SEC11A: variants seen among roughly 807,000 people sequenced by gnomAD.
The protein encoded by SEC11A is signal peptidase complex catalytic subunit SEC11A.
A neutral mutation model predicts 25.6 loss-of-function variants in SEC11A; 14 were observed. That is an observed-to-expected ratio of 0.55 (90% confidence interval 0.36 to 0.85). SEC11A has a LOEUF of 0.85. Among genes scored for constraint, SEC11A ranks in the 40% least tolerant of loss-of-function variants. The pLI is 0.01. For synonymous variants in SEC11A, 83 were observed against 76.4 expected, an observed-to-expected ratio of 1.09 and a Z score of -0.45; for missense variants, 153 against 222.9, an observed-to-expected ratio of 0.69 and a Z score of 2.00.
Position 84,687,748 on chromosome 15 carries a change from C to T in SEC11A, c.188G>A (p.Arg63Lys), listed in dbSNP as rs1012819841. The stretch of plus-strand genomic sequence containing the variant: ...ATTTGTTAGAAAGAGAAGATCTCCT[C>T]TATGAAATGCAGGTTCCATGCTGCC... ...LSGSMEPAFH[R>K]GDLLFLTNRV... Residue 63 changes from arginine (R) to lysine (K), a missense_variant, in exon 3 of 6, where the codon AGA becomes AAA. Physicochemically the swap from Arg to Lys is conservative, Grantham distance 26 (BLOSUM62 2). Coordinates refer to ENST00000268220, the MANE Select transcript of SEC11A (RefSeq NM_014300.4). 5 of 1,599,078 alleles carry T rather than the reference C, an allele frequency of 3.1e-6. No individual in the cohort carries two copies. Among genetic ancestry groups the T allele is most frequent in the Non-Finnish European group, 4.2e-6 (5 of 1,176,542 alleles).
intron 4 of SEC11A, among the ~76,000 whole-genome samples, chr15:84,677,008 T>C (rs1349575294): frequency 1.3e-5 from 2 of 152,006 alleles, no homozygotes; most frequent in African/African-American, 2.4e-5. Context: ...GGAGGATTGC[T>C]TGGGCCTGGG....
intron 2 of SEC11A, among the ~76,000 whole-genome samples, chr15:84,688,541 G>A (rs1005589969): frequency 1.3e-5 from 2 of 152,324 alleles, no homozygotes; most frequent in East Asian, 3.9e-4. Context: ...TAGCCCATCA[G>A]TCTTTTTCAG....
intron 1 of SEC11A, among the ~76,000 whole-genome samples, chr15:84,704,099 T>C (rs773730582): frequency 6.6e-6 from 1 of 152,174 alleles, no homozygotes; most frequent in Non-Finnish European, 1.5e-5. Context: ...CCAATCCTGA[T>C]GGCACGCTGA....
chr15:84,705,944 T>G (rs956053714), intron 1 of SEC11A, among the ~76,000 whole-genome samples: 1 of 151,890 alleles, frequency 6.6e-6, no homozygotes, highest in Non-Finnish European at 1.5e-5. Flanking sequence ...GGAGTCTTGC[T>G]CTTGTCACCC....
intron 1 of SEC11A, among the ~76,000 whole-genome samples, chr15:84,700,001 C>T (rs1897882532): frequency 6.6e-6 from 1 of 151,918 alleles, no homozygotes; most frequent in Non-Finnish European, 1.5e-5. Flanking sequence ...AAAGGTATTA[C>T]TCACTTGTAG....
At chr15:84,708,205 C>CAAAAAAAA (rs71132699) in intron 1 of SEC11A, among the ~76,000 whole-genome samples, 2 of 35,404 alleles carry the variant, frequency 5.6e-5, no homozygotes, top group Non-Finnish European at 1.0e-4. Flanking sequence ...GGCTCTGTCT[C>CAAAAAAAA]AAAAAAAAAA....
At chr15:84,714,379 A>G in intron 1 of SEC11A, among the ~76,000 whole-genome samples, 1 of 151,988 alleles carries the variant, frequency 6.6e-6, no homozygotes, top group East Asian at 1.9e-4. Flanking sequence ...TACAGCCAAT[A>G]CTCACCATGT....
chr15:84,679,036 T>C (rs1897216036), intron 4 of SEC11A, among the ~76,000 whole-genome samples: 1 of 151,928 alleles, frequency 6.6e-6, no homozygotes, highest in South Asian at 2.1e-4. Flanking sequence ...AATATTTTTA[T>C]CTCTACACAC....
intron 1 of SEC11A, among the ~76,000 whole-genome samples, chr15:84,700,746 C>T (rs1268696511): frequency 2.0e-5 from 3 of 150,642 alleles, no homozygotes; most frequent in Non-Finnish European, 4.4e-5. Flanking sequence ...TTTGGGAAGC[C>T]GAGGCAGGCA....
chr15:84,711,309 AAGG>A (rs1417119385), intron 1 of SEC11A, among the ~76,000 whole-genome samples: 1 of 151,834 alleles, frequency 6.6e-6, no homozygotes, highest in Non-Finnish European at 1.5e-5. Flanking sequence ...TTGATCCCGG[AAGG>A]AGGAGGTTGC....
chr15:84,690,720 G>T (rs1897580228), intron 2 of SEC11A, among the ~76,000 whole-genome samples: 1 of 152,156 alleles, frequency 6.6e-6, no homozygotes, highest in African/African-American at 2.4e-5. Flanking sequence ...TGGTATTAAT[G>T]CCTTCAAAAT....
rs60088964 is a variant in SEC11A, at chr15:84,711,781, C to CAA, written c.51+4242_51+4243dup. 6.4e-3 allele frequency among the ~76,000 whole-genome samples: 594 copies of CAA among 93,064 alleles called. 3 individuals are homozygous for CAA. The highest frequency in any genetic ancestry group is 0.024 in the African/African-American group (550 of 23,158). 61.1% of individuals were successfully genotyped at this position (93,064 alleles called of 152,430 possible). Reference sequence around the variant, plus strand: ...GACAGAATAGAGCGAGACTCTATCTCAAAAAAAAAAAAAAAAAAAAGAAGC... The same window carrying CAA: ...GACAGAATAGAGCGAGACTCTATCTCAAAAAAAAAAAAAAAAAAAAAAGAAGC... On this transcript the variant is annotated intron_variant, in intron 1 of 5. Transcript: ENST00000268220.
At chr15:84,699,316 CA>C (rs35351608) in intron 1 of SEC11A, among the ~76,000 whole-genome samples, 31,050 of 88,874 alleles carry the variant, frequency 0.35, 2,822 homozygotes, top group Middle Eastern at 0.48. Flanking sequence ...CTCTTGTCTC[CA>C]AAAAAAAAAA....
intron 1 of SEC11A, among the ~76,000 whole-genome samples, chr15:84,712,028 C>T (rs867405964): frequency 2.0e-4 from 31 of 151,958 alleles, no homozygotes; most frequent in Admixed American, 1.7e-3. Flanking sequence ...ATCACTCGAG[C>T]CCAGGAATTT....
chr15:84,684,486 A>C (rs1897363405), intron 3 of SEC11A, among the ~76,000 whole-genome samples: 1 of 152,144 alleles, frequency 6.6e-6, no homozygotes. Flanking sequence ...TGAGTCCATT[A>C]AACCTCTTTC....
chr15:84,706,968 ACAGT>A (rs1368451652), intron 1 of SEC11A, among the ~76,000 whole-genome samples: 1 of 152,268 alleles, frequency 6.6e-6, no homozygotes, highest in South Asian at 2.1e-4. Flanking sequence ...GACTAGACAG[ACAGT>A]CAGTGGCCTC....
chr15:84,675,440 A>C (rs914528609), intron 4 of SEC11A, among the ~76,000 whole-genome samples: 4 of 152,176 alleles, frequency 2.6e-5, no homozygotes, highest in African/African-American at 9.7e-5. Flanking sequence ...GTCAAATATC[A>C]AAAGGGGTCT....
chr15:84,691,552 C>T lies in SEC11A; in HGVS notation c.144G>A (p.Pro48=), dbSNP rs373129075. ...GLMVITGSES[P]IVVVLSGSME... ...ACTGTTACCTGAGCACCACTACAATCGGACTTTCACTTCCAGTTATTACCA... is the reference window on the plus strand; with the variant it reads ...ACTGTTACCTGAGCACCACTACAATTGGACTTTCACTTCCAGTTATTACCA... The change falls in exon 2 of 6, where the codon CCG becomes CCA. Residue 48 remains proline (P), a synonymous_variant. Coordinates refer to ENST00000268220, the MANE Select transcript of SEC11A (RefSeq NM_014300.4). 402 of 1,605,182 alleles carry T rather than the reference C, an allele frequency of 2.5e-4. 3 individuals are homozygous for T. The highest frequency in any genetic ancestry group is 1.3e-4 in the East Asian group (6 of 44,806).
chr15:84,673,362 T>C lies in SEC11A; in HGVS notation c.432-2580A>G, dbSNP rs1438249326. The C allele has an allele frequency of 1.2e-4, 23 of 187,772 alleles. No individual in the cohort carries two copies. In the Admixed American group the frequency reaches 1.4e-3, roughly 11 times the overall value. The allele number at this position is 187,772 out of a possible 1,614,324, so 11.6% of individuals were successfully genotyped here. ...AGAAATCGGATGGTTGCCGTGTCTG[T>C]GTAGAAAGAAGTAGACATGGGAGAC... On this transcript the variant is annotated intron_variant, in intron 4 of 5. Transcript: ENST00000268220.
Sources: gnomAD v4.1 joint callset for allele counts (sites outside exome capture counted in the v4.1 genomes callset) on GRCh38, gnomAD v4.1.1 for gene constraint, MANE v1.5 for transcripts, NCBI Gene and HGNC (gene_info 2026-07-23, HGNC 2026-07-21) for gene names.